NBAS: variants seen among roughly 807,000 people sequenced by gnomAD.
NBAS encodes NAG/BC035112 fusion.
Under a neutral mutation model 302.5 loss-of-function variants are expected in NBAS, and 219 were observed. That is an observed-to-expected ratio of 0.72 (90% CI 0.65 to 0.81). The LOEUF is 0.81. Ranked by LOEUF, NBAS falls within the 30% of genes least tolerant of loss-of-function variation. The probability of loss-of-function intolerance (pLI) is 0.00; values close to 1 mark genes in which losing one functional copy is unlikely to be tolerated. For missense variants in NBAS, 2,932 were observed against 2,841.6 expected, an observed-to-expected ratio of 1.03 and a Z score of -0.72; for synonymous variants, 1,118 against 1,021.6, an observed-to-expected ratio of 1.09 and a Z score of -1.80.
chr2:14,983,049 C>A, the NBAS span, among the ~76,000 whole-genome samples: 1 of 152,182 alleles, frequency 6.6e-6, no homozygotes, highest in Non-Finnish European at 1.5e-5. Context: ...TAGGCTACAC[C>A]ACTTGCTTAA....
the NBAS span, among the ~76,000 whole-genome samples, chr2:15,083,457 A>C: frequency 2.0e-5 from 3 of 152,218 alleles, no homozygotes; most frequent in African/African-American, 7.2e-5. Flanking sequence ...GTCCTAGTCT[A>C]TTCCACATGG....
intron 21 of NBAS, among the ~76,000 whole-genome samples, chr2:15,438,547 G>C (rs1331251010): frequency 6.6e-6 from 1 of 152,142 alleles, no homozygotes; most frequent in Non-Finnish European, 1.5e-5. Context: ...CAGGACACCA[G>C]GCACTGCAGG....
chr2:15,498,966 C>T lies in NBAS; in HGVS notation c.954+5179G>A, dbSNP rs149864380. ...TTTTTTTGAGACAGTCTTGCTCCAT[C>T]GCCCAGGTTGGAATGCAGTGGCGCG... is the stretch of plus-strand genomic sequence containing the variant. On this transcript the variant is annotated intron_variant, in intron 11 of 51. Transcript: ENST00000281513. Among the ~76,000 whole-genome samples, 5 of 149,450 alleles carry T rather than the reference C, an allele frequency of 3.3e-5. No individual in the cohort carries two copies. In the East Asian group the frequency reaches 5.9e-4, roughly 18 times the overall value.
intron 49 of NBAS, among the ~76,000 whole-genome samples, chr2:15,187,906 C>T (rs958549661): frequency 1.2e-4 from 18 of 152,156 alleles, no homozygotes; most frequent in African/African-American, 3.1e-4. Flanking sequence ...ACAATCTGTG[C>T]GAACAAAGAA....
intron 44 of NBAS, among the ~76,000 whole-genome samples, chr2:15,243,577 GAA>G (rs200944798): frequency 1.6e-5 from 2 of 127,562 alleles, no homozygotes; most frequent in Non-Finnish European, 1.7e-5. Context: ...ATCAGGCAAT[GAA>G]AAAAAAAAAA....
chr2:15,275,659 C>G lies in NBAS; in HGVS notation c.5549G>C (p.Trp1850Ser), dbSNP rs1281323469. The G allele has an allele frequency of 2.5e-6, 4 of 1,614,044 alleles. No homozygotes were observed. In the African/African-American group the frequency reaches 4.0e-5, roughly 16 times the overall value. ...TCCAGTCCAGAACAACTTCTGTAAC[C>G]AGATGGTGTACAGAGAGCTTGGGGA... ...MLSPSSLYTIWLQKLFWTGDP... is the reference protein window; with the variant it reads ...MLSPSSLYTISLQKLFWTGDP... Residue 1850 changes from tryptophan (W) to serine (S), a missense_variant, in exon 44 of 52, where the codon TGG becomes TCG. Transcript: ENST00000281513.
chr2:15,058,005 C>T, the NBAS span, among the ~76,000 whole-genome samples: 1 of 152,186 alleles, frequency 6.6e-6, no homozygotes, highest in East Asian at 1.9e-4. Flanking sequence ...GGAATGTAAA[C>T]TAGTACCACC....
At chr2:15,122,871 C>T in the NBAS span, among the ~76,000 whole-genome samples, 2 of 152,180 alleles carry the variant, frequency 1.3e-5, no homozygotes, top group African/African-American at 2.4e-5. Flanking sequence ...GAAAAGCTTC[C>T]GCCTGAGCCT....
chr2:15,186,991 GGTGAC>G, intron 49 of NBAS, 111 bp from the exon 50 acceptor site: 1 of 1,457,356 alleles, frequency 6.9e-7, no homozygotes, highest in Non-Finnish European at 9.5e-7. Flanking sequence ...TCAGAATCTA[GGTGAC>G]GTGCTGCTTC....
the NBAS span, among the ~76,000 whole-genome samples, chr2:14,847,241 G>A: frequency 3.3e-5 from 5 of 151,884 alleles, no homozygotes; most frequent in East Asian, 9.7e-4. Flanking sequence ...AAATTAGCCG[G>A]GTGTGGTGGC....
intron 34 of NBAS, 28 bp from the exon 35 acceptor site, chr2:15,352,109 A>T: frequency 1.3e-6 from 2 of 1,507,872 alleles, no homozygotes; most frequent in Non-Finnish European, 1.8e-6. Flanking sequence ...TATATTGTAA[A>T]GGAGTTACGT....
At chr2:15,526,562 A>C (rs1240659445) in intron 9 of NBAS, among the ~76,000 whole-genome samples, 2 of 151,298 alleles carry the variant, frequency 1.3e-5, no homozygotes, top group African/African-American at 2.4e-5. Flanking sequence ...TCTTTCATTT[A>C]AAAAAAAAGA....
At chr2:15,328,922 GC>G (rs1672197397) in intron 36 of NBAS, among the ~76,000 whole-genome samples, 1 of 151,980 alleles carries the variant, frequency 6.6e-6, no homozygotes, top group Middle Eastern at 3.2e-3. Flanking sequence ...TTCCTTTCAG[GC>G]CCAGTTCAGA....
At chr2:14,914,588 G>C in the NBAS span, among the ~76,000 whole-genome samples, 1 of 152,194 alleles carries the variant, frequency 6.6e-6, no homozygotes, top group African/African-American at 2.4e-5. Flanking sequence ...GAACAGATTG[G>C]GGAGGGGAAC....
chr2:15,021,103 G>A, the NBAS span, among the ~76,000 whole-genome samples: 2 of 152,022 alleles, frequency 1.3e-5, no homozygotes, highest in Non-Finnish European at 2.9e-5. Context: ...ATGTTGGCGG[G>A]CACCTGTAAT....
chr2:14,875,629 A>C, the NBAS span, among the ~76,000 whole-genome samples: 16 of 152,232 alleles, frequency 1.1e-4, no homozygotes, highest in Non-Finnish European at 2.4e-4. Flanking sequence ...AAAATAAAAA[A>C]TAGTAAATTT....
At chr2:15,160,813 G>A in the NBAS span, among the ~76,000 whole-genome samples, 1 of 152,314 alleles carries the variant, frequency 6.6e-6, no homozygotes, top group African/African-American at 2.4e-5. Flanking sequence ...ACTGGGTGAG[G>A]TCAGCTGGGA....
chr2:15,295,254 T>G (rs1000276410), intron 40 of NBAS, among the ~76,000 whole-genome samples: 6 of 152,354 alleles, frequency 3.9e-5, no homozygotes, highest in Admixed American at 1.3e-4. Flanking sequence ...ATAGCAAGAA[T>G]GAGCATGGTT....
chr2:14,982,353 C>A, the NBAS span, among the ~76,000 whole-genome samples: 3 of 152,202 alleles, frequency 2.0e-5, no homozygotes, highest in Non-Finnish European at 4.4e-5. Context: ...TGGTGGAAAT[C>A]AGAAACTGCT....
Sources: gnomAD v4.1 joint callset for allele counts (sites outside exome capture counted in the v4.1 genomes callset) on GRCh38, gnomAD v4.1.1 for gene constraint, MANE v1.5 for transcripts, NCBI Gene and HGNC (gene_info 2026-07-23, HGNC 2026-07-21) for gene names.